The following KCNIP1 variants were observed in gnomAD, a reference collection of about 807,000 sequenced individuals.
KCNIP1 encodes the protein A-type potassium channel modulatory protein KCNIP1.
KCNIP1 carries 18 observed loss-of-function variants against 33.0 expected under a neutral mutation model. That is an observed-to-expected ratio of 0.55 (90% CI 0.38 to 0.81). KCNIP1 has a LOEUF of 0.81. KCNIP1 is among the 30% of genes least tolerant of loss of function. The probability of loss-of-function intolerance (pLI) is 0.00; values close to 1 mark genes in which losing one functional copy is unlikely to be tolerated. For missense variants in KCNIP1, 238 were observed against 271.6 expected, an observed-to-expected ratio of 0.88 and a Z score of 0.87; for synonymous variants, 93 against 98.3, an observed-to-expected ratio of 0.95 and a Z score of 0.32.
intron 1 of KCNIP1, among the ~76,000 whole-genome samples, chr5:170,431,410 C>A (rs868746312): frequency 3.9e-5 from 6 of 152,230 alleles, no homozygotes; most frequent in African/African-American, 1.2e-4. Flanking sequence ...AGGCTTTCCC[C>A]TTCTCTAGCC....
intron 1 of KCNIP1, among the ~76,000 whole-genome samples, chr5:170,396,796 T>A (rs1364164882): frequency 6.6e-6 from 1 of 152,206 alleles, no homozygotes; most frequent in African/African-American, 2.4e-5. Flanking sequence ...GATAAATGTC[T>A]CTTACCAGAC....
intron 1 of KCNIP1, among the ~76,000 whole-genome samples, chr5:170,530,473 C>T (rs995470829): frequency 2.3e-4 from 35 of 152,318 alleles, no homozygotes; most frequent in African/African-American, 8.4e-4. Flanking sequence ...TGTATCCGGA[C>T]TGCAAGGATG....
intron 1 of KCNIP1, among the ~76,000 whole-genome samples, chr5:170,626,167 A>G (rs751023809): frequency 2.0e-3 from 299 of 152,310 alleles, no homozygotes; most frequent in Non-Finnish European, 3.3e-3. Context: ...GAACAACTGT[A>G]TGCATGCCAG....
In KCNIP1 at chr5:170,383,384, T is replaced by C. The variant is rs1764330975; in HGVS notation, c.88+29420T>C. The C allele has an allele frequency of 5.0e-6, 3 of 598,252 alleles. No individual in the cohort carries two copies. In the East Asian group the frequency reaches 8.3e-5, roughly 16 times the overall value. 37.1% of individuals were successfully genotyped at this position (598,252 alleles called of 1,614,324 possible). ...GCACTTTATATACAGCGTCTCTGAC[T>C]TGATAACAGCTCTTCAAGGTGCAGC... On this transcript the variant is annotated intron_variant, in intron 1 of 7. Transcript: ENST00000377360.
At chr5:170,451,318 G>T (rs1451872053) in intron 1 of KCNIP1, among the ~76,000 whole-genome samples, 1 of 152,130 alleles carries the variant, frequency 6.6e-6, no homozygotes, top group Non-Finnish European at 1.5e-5. Context: ...TTATAGATAA[G>T]ATTATAGGTA....
chr5:170,537,395 G>A (rs180671739), intron 1 of KCNIP1, among the ~76,000 whole-genome samples: 61 of 152,360 alleles, frequency 4.0e-4, no homozygotes, highest in Non-Finnish European at 7.2e-4. Flanking sequence ...TTGGGAGTCA[G>A]GCAGCCAAGG....
intron 1 of KCNIP1, among the ~76,000 whole-genome samples, chr5:170,392,583 G>C (rs747802728): frequency 6.6e-6 from 1 of 152,144 alleles, no homozygotes; most frequent in East Asian, 1.9e-4. Flanking sequence ...AGCACTTTTC[G>C]AGACCAAGGC....
chr5:170,721,995 T>A, intron 4 of KCNIP1, 92 bp downstream of exon 4: 2 of 1,406,244 alleles, frequency 1.4e-6, no homozygotes, highest in Admixed American at 3.7e-5. Context: ...GTCTGGACCA[T>A]CAAAAGCTCT....
chr5:170,542,406 A>G (rs1262813283), intron 1 of KCNIP1, among the ~76,000 whole-genome samples: 3 of 152,314 alleles, frequency 2.0e-5, no homozygotes, highest in Middle Eastern at 3.4e-3. Context: ...GAGTTGCTAC[A>G]AAGATTACAT....
chr5:170,569,006 CA>C (rs1248812894), intron 1 of KCNIP1, among the ~76,000 whole-genome samples: 2 of 152,150 alleles, frequency 1.3e-5, no homozygotes, highest in African/African-American at 4.8e-5. Context: ...GCTTTCCATC[CA>C]GACAAAGAAT....
intron 1 of KCNIP1, among the ~76,000 whole-genome samples, chr5:170,670,033 C>T (rs142214596): frequency 4.3e-4 from 66 of 152,212 alleles, no homozygotes; most frequent in Middle Eastern, 6.8e-3. Flanking sequence ...ATTCAGCAAC[C>T]AGAGAACTGA....
At chr5:170,616,400 G>T (rs1170745174) in intron 1 of KCNIP1, among the ~76,000 whole-genome samples, 1 of 152,194 alleles carries the variant, frequency 6.6e-6, no homozygotes. Context: ...CATCATCGTA[G>T]TTAAGGTGGA....
At chr5:170,450,684 C>A (rs1756227811) in intron 1 of KCNIP1, among the ~76,000 whole-genome samples, 1 of 152,160 alleles carries the variant, frequency 6.6e-6, no homozygotes, top group African/African-American at 2.4e-5. Flanking sequence ...GTTGCTCCGA[C>A]CACCTCCGCC....
At chr5:170,386,335 C>T (rs925778399) in intron 1 of KCNIP1, among the ~76,000 whole-genome samples, 1 of 152,122 alleles carries the variant, frequency 6.6e-6, no homozygotes, top group Non-Finnish European at 1.5e-5. Flanking sequence ...CAGAAGCTGG[C>T]GGGGGCAAGG....
chr5:170,693,904 T>C (rs1200456916), intron 1 of KCNIP1, among the ~76,000 whole-genome samples: 1 of 152,174 alleles, frequency 6.6e-6, no homozygotes. Flanking sequence ...CTGCCGGCCT[T>C]CATGGGTGTG....
chr5:170,442,684 T>G (rs1390333323), intron 1 of KCNIP1, among the ~76,000 whole-genome samples: 5 of 152,198 alleles, frequency 3.3e-5, no homozygotes, highest in Non-Finnish European at 7.3e-5. Context: ...TCATGAGATG[T>G]CCTCAACAGC....
At chr5:170,441,462 G>A (rs1260760760) in intron 1 of KCNIP1, among the ~76,000 whole-genome samples, 1 of 152,176 alleles carries the variant, frequency 6.6e-6, no homozygotes, top group Non-Finnish European at 1.5e-5. Context: ...GTGCCCACGT[G>A]CAGGGTTTGT....
intron 1 of KCNIP1, among the ~76,000 whole-genome samples, chr5:170,568,381 A>G (rs1757271883): frequency 6.6e-6 from 1 of 152,034 alleles, no homozygotes; most frequent in Admixed American, 6.6e-5. Context: ...AGGCATCTTA[A>G]AGTCCATAAA....
At chr5:170,483,338 C>G (rs1037792552) in intron 1 of KCNIP1, 10 of 219,032 alleles carry the variant, frequency 4.6e-5, no homozygotes, top group Non-Finnish European at 9.1e-5. Flanking sequence ...GTGACCATCA[C>G]TGGGATATTG....
Sources: gnomAD v4.1 joint callset for allele counts (sites outside exome capture counted in the v4.1 genomes callset) on GRCh38, gnomAD v4.1.1 for gene constraint, MANE v1.5 for transcripts, NCBI Gene and HGNC (gene_info 2026-07-23, HGNC 2026-07-21) for gene names.